The following GALNTL6 variants were observed in gnomAD, a reference collection of about 807,000 sequenced individuals.
GALNTL6 encodes the protein polypeptide N-acetylgalactosaminyltransferase like 6.
A neutral mutation model predicts 73.7 loss-of-function variants in GALNTL6; 46 were observed. That is an observed-to-expected ratio of 0.62 (90% CI 0.49 to 0.80). The LOEUF (loss-of-function observed/expected upper bound fraction) is 0.80, where lower values mean the gene tolerates loss of function less well. Ranked by LOEUF, GALNTL6 falls within the 30% of genes least tolerant of loss-of-function variation. The probability of loss-of-function intolerance (pLI) is 0.00; values close to 1 mark genes in which losing one functional copy is unlikely to be tolerated. For missense variants in GALNTL6, 604 were observed against 755.0 expected, an observed-to-expected ratio of 0.80 and a Z score of 2.34; for synonymous variants, 259 against 263.7, an observed-to-expected ratio of 0.98 and a Z score of 0.17.
At chr4:172,192,811 G>T (rs2110882216) in intron 2 of GALNTL6, among the ~76,000 whole-genome samples, 1 of 152,270 alleles carries the variant, frequency 6.6e-6, no homozygotes, top group South Asian at 2.1e-4. Context: ...ACAAGTTGGG[G>T]GGAAGGGGTG....
chr4:172,973,747 T>C (rs900424432), intron 10 of GALNTL6, among the ~76,000 whole-genome samples: 7 of 152,248 alleles, frequency 4.6e-5, no homozygotes, highest in South Asian at 4.1e-4. Flanking sequence ...AAGAAAATGG[T>C]TTTTTCTCTC....
At chr4:172,672,654 GT>G (rs55695955) in intron 5 of GALNTL6, among the ~76,000 whole-genome samples, 146,332 of 151,798 alleles carry the variant, frequency 0.96, 70,569 homozygotes, top group East Asian at 1. Flanking sequence ...TGGGCTTTTT[GT>G]TTTTTTTTGC....
intron 7 of GALNTL6, among the ~76,000 whole-genome samples, chr4:172,860,149 G>A (rs1300272554): frequency 4.6e-5 from 7 of 152,118 alleles, no homozygotes; most frequent in Non-Finnish European, 1.0e-4. Context: ...TACAAACATT[G>A]TGTTTTATGC....
intron 2 of GALNTL6, among the ~76,000 whole-genome samples, chr4:172,155,880 T>C (rs541307898): frequency 6.6e-6 from 1 of 152,268 alleles, no homozygotes; most frequent in South Asian, 2.1e-4. Context: ...TGCTCTTATC[T>C]AGTAGTAAGC....
chr4:172,406,924 G>A (rs749445163), intron 5 of GALNTL6, among the ~76,000 whole-genome samples: 12 of 151,926 alleles, frequency 7.9e-5, no homozygotes, highest in Admixed American at 3.3e-4. Flanking sequence ...GTGAATTAAC[G>A]TCCAGTTTAT....
intron 2 of GALNTL6, among the ~76,000 whole-genome samples, chr4:172,045,811 A>G (rs1300079670): frequency 9.2e-5 from 14 of 151,840 alleles, no homozygotes; most frequent in Admixed American, 9.2e-4. Context: ...CTCCCATGTA[A>G]CTGAGATATG....
chr4:172,562,046 T>A (rs989209474), intron 5 of GALNTL6, among the ~76,000 whole-genome samples: 1 of 152,144 alleles, frequency 6.6e-6, no homozygotes, highest in Non-Finnish European at 1.5e-5. Flanking sequence ...GAACCTAAAT[T>A]TTTTTATTCA....
intron 2 of GALNTL6, among the ~76,000 whole-genome samples, chr4:171,920,543 A>T (rs1407902436): frequency 6.6e-6 from 1 of 152,176 alleles, no homozygotes. Context: ...AATATAAACA[A>T]GAAGAGTTTA....
At chr4:172,354,245 TA>T (rs1489546099) in intron 5 of GALNTL6, among the ~76,000 whole-genome samples, 2 of 152,138 alleles carry the variant, frequency 1.3e-5, no homozygotes, top group Non-Finnish European at 2.9e-5. Context: ...TGGAGTTATT[TA>T]GATTTAATAT....
intron 5 of GALNTL6, among the ~76,000 whole-genome samples, chr4:172,639,997 G>A (rs1739897077): frequency 6.6e-6 from 1 of 151,712 alleles, no homozygotes. Context: ...TTTCCCACAT[G>A]TTACCACCCC....
intron 2 of GALNTL6, among the ~76,000 whole-genome samples, chr4:171,959,562 T>TA (rs1335322604): frequency 2.0e-5 from 3 of 152,154 alleles, no homozygotes; most frequent in Non-Finnish European, 4.4e-5. Flanking sequence ...TATACATACT[T>TA]ACTCAGAGCT....
chr4:172,421,361 G>A (rs1312071833), intron 5 of GALNTL6, among the ~76,000 whole-genome samples: 1 of 152,000 alleles, frequency 6.6e-6, no homozygotes, highest in African/African-American at 2.4e-5. Flanking sequence ...TTGGTGCTCA[G>A]TAATTGATAG....
At chr4:172,077,478 C>A (rs1022619972) in intron 2 of GALNTL6, among the ~76,000 whole-genome samples, 40 of 151,946 alleles carry the variant, frequency 2.6e-4, no homozygotes, top group Non-Finnish European at 4.3e-4. Context: ...GCAGCTTTTG[C>A]CCCTTCCCTA....
intron 5 of GALNTL6, among the ~76,000 whole-genome samples, chr4:172,487,272 C>CTT (rs144945614): frequency 0.13 from 16,789 of 127,738 alleles, 1,066 homozygotes; most frequent in East Asian, 0.24. Context: ...CCTTCCTTTC[C>CTT]TCTTTCTTTC....
intron 5 of GALNTL6, among the ~76,000 whole-genome samples, chr4:172,791,298 G>T (rs548319804): frequency 8.5e-5 from 13 of 152,220 alleles, no homozygotes; most frequent in African/African-American, 3.1e-4. Context: ...CTGAAGTCAA[G>T]GAAACAAAGT....
At chr4:172,111,194 T>C (rs572290184) in intron 2 of GALNTL6, among the ~76,000 whole-genome samples, 4 of 152,226 alleles carry the variant, frequency 2.6e-5, no homozygotes, top group South Asian at 2.1e-4. Flanking sequence ...GGTTTTCTCA[T>C]ATTTTAATTT....
At chr4:173,012,837 A>C (rs1752613235) in intron 11 of GALNTL6, among the ~76,000 whole-genome samples, 1 of 152,020 alleles carries the variant, frequency 6.6e-6, no homozygotes, top group African/African-American at 2.4e-5. Context: ...GTTATTATTC[A>C]CTCAAATGCG....
At chr4:172,346,937 CT>C (rs1285862261) in intron 4 of GALNTL6, among the ~76,000 whole-genome samples, 3 of 150,838 alleles carry the variant, frequency 2.0e-5, no homozygotes, top group Non-Finnish European at 4.4e-5. Flanking sequence ...TTGTATATGA[CT>C]CTGAAAAGTC....
intron 2 of GALNTL6, among the ~76,000 whole-genome samples, chr4:172,032,669 G>T (rs991870500): frequency 3.3e-5 from 5 of 152,034 alleles, no homozygotes; most frequent in African/African-American, 1.2e-4. Context: ...ATGCTTGCAT[G>T]TATCAGATTA....
Sources: gnomAD v4.1 joint callset for allele counts (sites outside exome capture counted in the v4.1 genomes callset) on GRCh38, gnomAD v4.1.1 for gene constraint, MANE v1.5 for transcripts, NCBI Gene and HGNC (gene_info 2026-07-23, HGNC 2026-07-21) for gene names.